The following UBL3 variants were observed in gnomAD, a reference collection of about 807,000 sequenced individuals.
UBL3 encodes the protein ubiquitin like 3, also known as ubiquitin-like protein 3.
Under a neutral mutation model 18.4 loss-of-function variants are expected in UBL3, and 6 were observed. That is an observed-to-expected ratio of 0.33 (90% CI 0.18 to 0.64). The LOEUF is 0.64. Among genes scored for constraint, UBL3 ranks in the 30% least tolerant of loss-of-function variants. UBL3 has a pLI of 0.76. For synonymous variants in UBL3, 49 were observed against 46.6 expected, an observed-to-expected ratio of 1.05 and a Z score of -0.21; for missense variants, 109 against 142.9, an observed-to-expected ratio of 0.76 and a Z score of 1.21.
chr13:29,829,453 T>C (rs1261079846), intron 1 of UBL3, among the ~76,000 whole-genome samples: 1 of 152,198 alleles, frequency 6.6e-6, no homozygotes, highest in Non-Finnish European at 1.5e-5. Context: ...GTGCTAGCAA[T>C]GAGCAAGGCT....
At chr13:29,819,669 A>G (rs960828639) in intron 1 of UBL3, among the ~76,000 whole-genome samples, 3 of 152,168 alleles carry the variant, frequency 2.0e-5, no homozygotes, top group African/African-American at 7.2e-5. Flanking sequence ...TCAAAAATAA[A>G]ATTTCTTCTA....
intron 1 of UBL3, among the ~76,000 whole-genome samples, chr13:29,805,374 T>C (rs1206847639): frequency 1.3e-5 from 2 of 152,126 alleles, no homozygotes; most frequent in Non-Finnish European, 2.9e-5. Context: ...GAGGGCAAGG[T>C]AGATTCAAAA....
intron 1 of UBL3, among the ~76,000 whole-genome samples, chr13:29,781,010 A>G (rs1593652872): frequency 6.6e-6 from 1 of 152,056 alleles, no homozygotes; most frequent in African/African-American, 2.4e-5. Context: ...CCGGTCTCTA[A>G]TAAAAATACA....
At chr13:29,821,917 TACA>T (rs1176878998) in intron 1 of UBL3, among the ~76,000 whole-genome samples, 2 of 151,884 alleles carry the variant, frequency 1.3e-5, no homozygotes, top group East Asian at 1.9e-4. Flanking sequence ...GCTAGGTGAT[TACA>T]ACTAGTCCTA....
At chr13:29,780,367 A>AAATATAT (rs1359464345) in intron 1 of UBL3, among the ~76,000 whole-genome samples, 2 of 103,308 alleles carry the variant, frequency 1.9e-5, no homozygotes, top group African/African-American at 4.0e-5. Context: ...AAAAAAAAAA[A>AAATATAT]ATATATATAT....
Position 29,797,523 on chromosome 13 carries a change from A to G in UBL3, c.28-20260T>C, listed in dbSNP as rs1029093863. ...TCAAATTCTGCACTGACATTCCCCA[A>G]TACATTTTTTTTGCCATTACATTTT... On this transcript the variant is annotated intron_variant, in intron 1 of 4. Transcript: ENST00000380680. Among the ~76,000 whole-genome samples, 18 of 152,266 alleles carry G rather than the reference A, an allele frequency of 1.2e-4. No homozygotes were observed. The East Asian group carries it at 1.4e-3, about 11-fold the overall frequency.
intron 1 of UBL3, among the ~76,000 whole-genome samples, chr13:29,808,781 T>C (rs2139338894): frequency 6.6e-6 from 1 of 152,244 alleles, no homozygotes; most frequent in Admixed American, 6.6e-5. Context: ...TTCTAAGCTC[T>C]GTAACTTTCT....
chr13:29,770,299 T>C lies in UBL3; in HGVS notation c.223+1813A>G, dbSNP rs569617618. Among the ~76,000 whole-genome samples the C allele has an allele frequency of 2.6e-5, 4 of 152,196 alleles. No homozygotes were observed. In the South Asian group the frequency reaches 8.3e-4, roughly 32 times the overall value. On this transcript the variant is annotated intron_variant, in intron 3 of 4. Coordinates refer to ENST00000380680, the MANE Select transcript of UBL3 (RefSeq NM_007106.4). ...TTGCTCAAACATCCAGCTACAATTA[T>C]TAACGCGGAGGTCCAGGCCATGCTT...
At position 29,795,973 on chromosome 13, in the gene UBL3, T is replaced by C. The variant is rs183952987; in HGVS notation, c.28-18710A>G. ...AATAAGGAGAAGAATTTTAAGTTTT[T>C]CTTTTTAATGGCATTTTAAAATACT... On this transcript the variant is annotated intron_variant, in intron 1 of 4. Coordinates refer to ENST00000380680, the MANE Select transcript of UBL3 (RefSeq NM_007106.4). 1.3e-3 allele frequency among the ~76,000 whole-genome samples: 202 copies of C among 152,034 alleles called. No homozygotes were observed. In the Middle Eastern group the frequency reaches 0.014, roughly 10 times the overall value.
At chr13:29,816,833 G>C (rs1282204380) in intron 1 of UBL3, among the ~76,000 whole-genome samples, 2 of 149,156 alleles carry the variant, frequency 1.3e-5, no homozygotes, top group Non-Finnish European at 3.0e-5. Flanking sequence ...TTATAAATTT[G>C]GTTACAAGAA....
At chr13:29,777,898 C>T (rs1322537117) in intron 1 of UBL3, among the ~76,000 whole-genome samples, 1 of 152,076 alleles carries the variant, frequency 6.6e-6, no homozygotes, top group African/African-American at 2.4e-5. Flanking sequence ...TCCCAAGTAG[C>T]TGGGATTACA....
chr13:29,824,302 C>T (rs528362511), intron 1 of UBL3, among the ~76,000 whole-genome samples: 7 of 152,118 alleles, frequency 4.6e-5, no homozygotes, highest in Non-Finnish European at 1.0e-4. Flanking sequence ...CACAATGGTT[C>T]AACTAGTTTT....
chr13:29,834,408 T>C (rs948516153), intron 1 of UBL3, among the ~76,000 whole-genome samples: 2 of 152,016 alleles, frequency 1.3e-5, no homozygotes, highest in African/African-American at 2.4e-5. Flanking sequence ...ACAGTCTTTC[T>C]CTTTACAGTC....
chr13:29,820,378 G>A (rs530480458), intron 1 of UBL3, among the ~76,000 whole-genome samples: 8 of 152,118 alleles, frequency 5.3e-5, no homozygotes, highest in East Asian at 1.9e-4. Context: ...GTTTCACCAC[G>A]TTGGCCAGGC....
chr13:29,822,599 G>A lies in UBL3; in HGVS notation c.27+26913C>T, dbSNP rs139830304. The stretch of plus-strand genomic sequence containing the variant: ...ATCACCTGAGGTGGAGTGCAGTGGC[G>A]TAATCACAGCTCACTGCAGTCTCAA... On this transcript the variant is annotated intron_variant, in intron 1 of 4. Coordinates refer to ENST00000380680, the MANE Select transcript of UBL3 (RefSeq NM_007106.4). 3.0e-4 allele frequency among the ~76,000 whole-genome samples: 46 copies of A among 152,252 alleles called. 2 individuals carry two copies. The highest frequency in any genetic ancestry group is 6.8e-3 in the Middle Eastern group (2 of 294).
At position 29,777,150 on chromosome 13, in the gene UBL3, C is replaced by A; in HGVS notation, c.136+5G>T. Reference sequence around the variant, plus strand: ...ATTCATACTCAAGAGAAAAATATCACTCACCCATTGGCCAATTGTCATATA... The same window carrying A: ...ATTCATACTCAAGAGAAAAATATCAATCACCCATTGGCCAATTGTCATATA... On this transcript the variant is annotated splice_donor_5th_base_variant and intron_variant, in intron 2 of 4. Coordinates refer to ENST00000380680, the MANE Select transcript of UBL3 (RefSeq NM_007106.4). 2 of 1,572,914 alleles carry A rather than the reference C, an allele frequency of 1.3e-6. No homozygotes were observed. The highest frequency in any genetic ancestry group is 1.7e-6 in the Non-Finnish European group (2 of 1,158,074).
intron 1 of UBL3, among the ~76,000 whole-genome samples, chr13:29,847,190 G>T (rs1879249138): frequency 1.3e-5 from 2 of 152,134 alleles, no homozygotes; most frequent in Non-Finnish European, 2.9e-5. Flanking sequence ...ATAAACGAAC[G>T]TTTAAAAGAC....
chr13:29,795,001 T>C (rs1458893221), intron 1 of UBL3, among the ~76,000 whole-genome samples: 1 of 152,208 alleles, frequency 6.6e-6, no homozygotes, highest in Non-Finnish European at 1.5e-5. Context: ...TTACAAATTG[T>C]AGCCAAAACA....
At chr13:29,836,570 G>T (rs1878968287) in intron 1 of UBL3, among the ~76,000 whole-genome samples, 1 of 151,702 alleles carries the variant, frequency 6.6e-6, no homozygotes, top group African/African-American at 2.4e-5. Flanking sequence ...CTTAGAGAAG[G>T]GAAACACTTT....
Sources: allele counts gnomAD v4.1 joint callset (sites outside exome capture counted in the v4.1 genomes callset), GRCh38; gene constraint gnomAD v4.1.1; transcripts MANE v1.5; gene names NCBI Gene and HGNC (gene_info 2026-07-23, HGNC 2026-07-21).